The following LRRC37A2 variants were observed in gnomAD, a reference collection of about 807,000 sequenced individuals.
LRRC37A2 encodes leucine rich repeat containing 37 member A2.
In LRRC37A2, 9 loss-of-function variants were observed where a neutral mutation model predicts 68.8. That is an observed-to-expected ratio of 0.13 (90% CI 0.08 to 0.23). The LOEUF is 0.23. Among genes scored for constraint, LRRC37A2 ranks in the 10% least tolerant of loss-of-function variants. The pLI, the probability that LRRC37A2 is intolerant of heterozygous loss-of-function variation, is 1.00. For synonymous variants in LRRC37A2, 63 were observed against 367.6 expected (o/e 0.17, Z 9.48); for missense variants, 168 against 950.4 (o/e 0.18, Z 10.82).
the LRRC37A2 span, among the ~76,000 whole-genome samples, chr17:46,853,834 G>A: frequency 6.6e-6 from 1 of 152,172 alleles, no homozygotes; most frequent in Non-Finnish European, 1.5e-5. Flanking sequence ...TAGAGATGGG[G>A]CAAGAGTCAG....
chr17:46,938,542 C>G, the LRRC37A2 span: 1 of 1,611,040 alleles, frequency 6.2e-7, no homozygotes, highest in Non-Finnish European at 8.5e-7. Flanking sequence ...TGCCATTCAC[C>G]CACTCTTGGT....
chr17:46,530,011 CTT>C (rs2053428266), intron 6 of LRRC37A2, among the ~76,000 whole-genome samples: 1 of 145,358 alleles, frequency 6.9e-6, no homozygotes, highest in Admixed American at 7.0e-5. Context: ...AGATAACAAA[CTT>C]TGCCAAGTTG....
the LRRC37A2 span, among the ~76,000 whole-genome samples, chr17:46,575,390 G>T: frequency 3.3e-5 from 5 of 151,966 alleles, no homozygotes; most frequent in Non-Finnish European, 7.3e-5. Context: ...GTGAAGAAAA[G>T]AAATCACACT....
At chr17:46,874,767 G>A in the LRRC37A2 span, among the ~76,000 whole-genome samples, 1 of 152,014 alleles carries the variant, frequency 6.6e-6, no homozygotes, top group Non-Finnish European at 1.5e-5. Context: ...TAGTAGAGAC[G>A]GGGTTTCACC....
At chr17:46,635,799 G>GTGTGTGTGTGTGTT in the LRRC37A2 span, among the ~76,000 whole-genome samples, 210 of 140,510 alleles carry the variant, frequency 1.5e-3, 17 homozygotes, top group African/African-American at 5.2e-3. Flanking sequence ...GTGTGTGTGT[G>GTGTGTGTGTGTGTT]TGTGTGTGTG....
At chr17:46,715,482 A>G in the LRRC37A2 span, among the ~76,000 whole-genome samples, 1 of 152,216 alleles carries the variant, frequency 6.6e-6, no homozygotes, top group African/African-American at 2.4e-5. Flanking sequence ...CTCCTAAATC[A>G]TCTATTCCTG....
At chr17:46,809,789 C>T in the LRRC37A2 span, among the ~76,000 whole-genome samples, 1 of 152,040 alleles carries the variant, frequency 6.6e-6, no homozygotes, top group African/African-American at 2.4e-5. Flanking sequence ...CAGTTGGCTT[C>T]AGACCTGAGG....
the LRRC37A2 span, among the ~76,000 whole-genome samples, chr17:46,787,682 G>A: frequency 1.6e-4 from 25 of 152,196 alleles, no homozygotes; most frequent in East Asian, 3.9e-4. Context: ...GGCCGGGCGC[G>A]GTGGCTCACG....
the LRRC37A2 span, among the ~76,000 whole-genome samples, chr17:46,980,664 T>TAAAA: frequency 4.1e-4 from 6 of 14,808 alleles, no homozygotes; most frequent in Non-Finnish European, 1.4e-3. Context: ...CTACTAAAAA[T>TAAAA]ACAAAAAAAA....
At chr17:47,009,027 C>T in the LRRC37A2 span, among the ~76,000 whole-genome samples, 1 of 151,846 alleles carries the variant, frequency 6.6e-6, no homozygotes, top group East Asian at 1.9e-4. Context: ...TATTTTATTA[C>T]TCGCTTCAAT....
the LRRC37A2 span, among the ~76,000 whole-genome samples, chr17:46,918,596 GACACAC>G: frequency 0.21 from 31,123 of 146,392 alleles, 3,230 homozygotes; most frequent in African/African-American, 0.26. Flanking sequence ...ATAGCAGGCA[GACACAC>G]ACACACACAC....
At chr17:46,872,539 A>C in the LRRC37A2 span, 1 of 1,558,130 alleles carries the variant, frequency 6.4e-7, no homozygotes, top group Non-Finnish European at 8.7e-7. Context: ...GGAAGTCCTG[A>C]CGCCCTTCCC....
the LRRC37A2 span, among the ~76,000 whole-genome samples, chr17:46,938,361 G>A: frequency 3.9e-5 from 6 of 152,070 alleles, no homozygotes; most frequent in East Asian, 3.8e-4. Context: ...ATAGTCAGTC[G>A]TTCCAGCACC....
At chr17:46,792,621 A>G in the LRRC37A2 span, among the ~76,000 whole-genome samples, 2 of 152,004 alleles carry the variant, frequency 1.3e-5, no homozygotes, top group African/African-American at 2.4e-5. Context: ...CTATAGGTGC[A>G]TGCCACCACA....
At chr17:46,866,422 G>A in the LRRC37A2 span, among the ~76,000 whole-genome samples, 5 of 152,034 alleles carry the variant, frequency 3.3e-5, no homozygotes, top group Admixed American at 6.6e-5. Context: ...GTGTATGTGC[G>A]AGTATAGGTG....
At chr17:46,819,100 G>A in the LRRC37A2 span, among the ~76,000 whole-genome samples, 4 of 152,192 alleles carry the variant, frequency 2.6e-5, no homozygotes, top group Admixed American at 6.5e-5. This position sits in a 1 kb window ranked among gnomAD's most constrained non-coding sequence, Gnocchi z 5.3. Context: ...CCGTTGGGAC[G>A]TGGGCCCGCG....
chr17:46,855,815 C>T, the LRRC37A2 span, among the ~76,000 whole-genome samples: 1 of 152,128 alleles, frequency 6.6e-6, no homozygotes, highest in Non-Finnish European at 1.5e-5. Flanking sequence ...TCTCCTGCCT[C>T]AGCTTCCCCA....
chr17:46,498,682 G>A, the LRRC37A2 span, among the ~76,000 whole-genome samples: 2 of 143,306 alleles, frequency 1.4e-5, no homozygotes, highest in Non-Finnish European at 3.0e-5. Flanking sequence ...TAAAATAAAA[G>A]TAAAAGAAGG....
chr17:46,952,793 A>G, the LRRC37A2 span: 2 of 152,282 alleles, frequency 1.3e-5, no homozygotes, highest in African/African-American at 4.8e-5. Context: ...GAACTTCCCA[A>G]TTTGGAGAGC....
Sources: allele counts gnomAD v4.1 joint callset (sites outside exome capture counted in the v4.1 genomes callset), GRCh38; gene constraint gnomAD v4.1.1; non-coding constraint Gnocchi (gnomAD v3.1); transcripts MANE v1.5; gene names NCBI Gene and HGNC (gene_info 2026-07-23, HGNC 2026-07-21).